Variants in PSMA1 observed in about 807,000 individuals in gnomAD.
PSMA1 encodes the protein proteasome 20S subunit alpha 1.
In PSMA1, 3 loss-of-function variants were observed where a neutral mutation model predicts 38.4. The ratio of observed to expected loss-of-function variants is 0.08; its 90% CI spans 0.04 to 0.20. The LOEUF is 0.20. Among genes scored for constraint, PSMA1 ranks in the 10% least tolerant of loss-of-function variants. PSMA1 has a pLI of 1.00. For missense variants in PSMA1, 227 were observed against 325.3 expected, an observed-to-expected ratio of 0.70 and a Z score of 2.32; for synonymous variants, 101 against 107.1, an observed-to-expected ratio of 0.94 and a Z score of 0.35.
In PSMA1 at chr11:14,534,762, T is replaced by TA. The variant is rs1453088386; in HGVS notation, c.22-15722dup. 7.4e-6 allele frequency among the ~76,000 whole-genome samples: 1 copy of TA among 134,244 alleles called. No homozygotes were observed. The highest frequency in any genetic ancestry group is 8.1e-5 in the Admixed American group (1 of 12,392). The allele number at this position is 134,244 out of a possible 152,430, so 88.1% of individuals were successfully genotyped here. ...TACATCGTGTGTACATATGCATATT[T>TA]AAAAAAATTAAAAAAACAAACAAAC... On this transcript the variant is annotated intron_variant, in intron 2 of 10. Transcript: ENST00000418988. The surrounding 1 kb of genome is among the most constrained non-coding windows in gnomAD (Gnocchi z 4.5).
intron 1 of PSMA1, among the ~76,000 whole-genome samples, chr11:14,634,062 T>C (rs940344369): frequency 6.6e-6 from 1 of 152,092 alleles, no homozygotes; most frequent in African/African-American, 2.4e-5. Context: ...GAGATGAACC[T>C]GGTACCTCAG....
chr11:14,564,834 G>A (rs970258478), intron 2 of PSMA1, among the ~76,000 whole-genome samples: 2 of 150,114 alleles, frequency 1.3e-5, no homozygotes, highest in Non-Finnish European at 3.0e-5. Flanking sequence ...GCTGGAATGT[G>A]GTGGTGCAAT....
intron 2 of PSMA1, among the ~76,000 whole-genome samples, chr11:14,592,591 T>C (rs1852437273): frequency 6.6e-6 from 1 of 152,110 alleles, no homozygotes; most frequent in Admixed American, 6.5e-5. Flanking sequence ...TTCACCGTGT[T>C]AGCCAGGATG....
At chr11:14,538,221 G>A (rs1851732900) in intron 2 of PSMA1, among the ~76,000 whole-genome samples, 1 of 152,224 alleles carries the variant, frequency 6.6e-6, no homozygotes, top group Middle Eastern at 3.4e-3. Flanking sequence ...TTAATTGTGT[G>A]TACATTGCTG....
intron 7 of PSMA1, 44 bp from the exon 8 acceptor site, chr11:14,510,995 TG>T (rs770218849): frequency 7.7e-7 from 1 of 1,301,114 alleles, no homozygotes; most frequent in Non-Finnish European, 1.1e-6. Context: ...TTCATTGTTA[TG>T]CTAGGCTTCT....
At chr11:14,593,118 C>G (rs1565053083) in intron 2 of PSMA1, among the ~76,000 whole-genome samples, 1 of 152,174 alleles carries the variant, frequency 6.6e-6, no homozygotes, top group Non-Finnish European at 1.5e-5. Context: ...TCACCCACTT[C>G]TCATAGCAAC....
At chr11:14,630,634 G>T (rs1852990915) in intron 1 of PSMA1, among the ~76,000 whole-genome samples, 1 of 151,070 alleles carries the variant, frequency 6.6e-6, no homozygotes, top group Admixed American at 6.6e-5. Context: ...CTCTTTTTTT[G>T]TTGTGTCTCT....
intron 2 of PSMA1, among the ~76,000 whole-genome samples, chr11:14,589,200 T>C (rs936001495): frequency 6.6e-6 from 1 of 152,158 alleles, no homozygotes; most frequent in Non-Finnish European, 1.5e-5. Flanking sequence ...TATTTAAAAA[T>C]GTGAAGTTAA....
intron 2 of PSMA1, among the ~76,000 whole-genome samples, chr11:14,583,581 A>C (rs1852306653): frequency 6.6e-6 from 1 of 152,188 alleles, no homozygotes; most frequent in Non-Finnish European, 1.5e-5. Context: ...TATCAGGGCA[A>C]ACCTGCAGAT....
chr11:14,540,968 T>A (rs1851767405), intron 2 of PSMA1, among the ~76,000 whole-genome samples: 1 of 151,928 alleles, frequency 6.6e-6, no homozygotes, highest in Non-Finnish European at 1.5e-5. Context: ...AGGGATAGCA[T>A]TCGGAGATAT....
chr11:14,614,478 T>C (rs2134200186), intron 1 of PSMA1, among the ~76,000 whole-genome samples: 1 of 152,264 alleles, frequency 6.6e-6, no homozygotes, highest in Admixed American at 6.5e-5. Context: ...AGCCTGGCCT[T>C]CTACTGTTCA....
chr11:14,616,000 A>G (rs946996642), intron 1 of PSMA1, among the ~76,000 whole-genome samples: 2 of 152,126 alleles, frequency 1.3e-5, no homozygotes, highest in African/African-American at 4.8e-5. Flanking sequence ...GAATCAAGTA[A>G]AGAGCTGCCT....
At chr11:14,530,549 T>C (rs1851636347) in intron 2 of PSMA1, among the ~76,000 whole-genome samples, 1 of 152,202 alleles carries the variant, frequency 6.6e-6, no homozygotes, top group Non-Finnish European at 1.5e-5. Flanking sequence ...TAATGTTTCA[T>C]ATTTATCTTT....
Position 14,603,425 on chromosome 11 carries a change from T to C in PSMA1, c.21+7541A>G, listed in dbSNP as rs552916817. On this transcript the variant is annotated intron_variant, in intron 2 of 10. Transcript: ENST00000418988. The stretch of plus-strand genomic sequence containing the variant: ...TTTATTATCTAGGAGTGATCTGCTC[T>C]AGATTTCTTTCAAGCAAAGGACCAC... Among the ~76,000 whole-genome samples, 25 of 152,342 alleles carry C rather than the reference T, an allele frequency of 1.6e-4. No homozygotes were observed. The South Asian group carries it at 5.0e-3, about 30-fold the overall frequency.
chr11:14,506,756 G>C (rs1312497907), intron 9 of PSMA1, among the ~76,000 whole-genome samples: 1 of 152,190 alleles, frequency 6.6e-6, no homozygotes, highest in Non-Finnish European at 1.5e-5. Context: ...TGTTGTGCCA[G>C]TCCTGCATCT....
At position 14,630,213 on chromosome 11, in the gene PSMA1, T is replaced by C. The variant is rs1013418012; in HGVS notation, c.-166+13242A>G. Among the ~76,000 whole-genome samples, 11 of 151,970 alleles carry C rather than the reference T, an allele frequency of 7.2e-5. No homozygotes were observed. The East Asian group carries it at 7.7e-4, about 11-fold the overall frequency. ...CTTCCAACACTATGTTGAATAGGAGTGGTGAGAGAGGGCATCCCTGTCTTA... is the reference window on the plus strand; with the variant it reads ...CTTCCAACACTATGTTGAATAGGAGCGGTGAGAGAGGGCATCCCTGTCTTA... On this transcript the variant is annotated intron_variant, in intron 1 of 10. Coordinates refer to the PSMA1 transcript ENST00000418988.
intron 2 of PSMA1, among the ~76,000 whole-genome samples, chr11:14,606,709 T>C (rs1359259948): frequency 6.6e-6 from 1 of 152,254 alleles, no homozygotes; most frequent in Admixed American, 6.5e-5. Flanking sequence ...TTTTTAATTC[T>C]GACATTTATT....
At chr11:14,575,863 T>A (rs1165717865) in intron 2 of PSMA1, among the ~76,000 whole-genome samples, 1 of 152,242 alleles carries the variant, frequency 6.6e-6, no homozygotes, top group Non-Finnish European at 1.5e-5. Context: ...TGAACTAGTT[T>A]ACAGTCCCAC....
chr11:14,639,948 T>C (rs905638875), intron 1 of PSMA1, among the ~76,000 whole-genome samples: 2 of 152,200 alleles, frequency 1.3e-5, no homozygotes, highest in African/African-American at 4.8e-5. Flanking sequence ...TCACAGCTCC[T>C]GTTACAACGG....
Sources: allele counts gnomAD v4.1 joint callset (sites outside exome capture counted in the v4.1 genomes callset), GRCh38; gene constraint gnomAD v4.1.1; non-coding constraint Gnocchi (gnomAD v3.1); transcripts MANE v1.5; gene names NCBI Gene and HGNC (gene_info 2026-07-23, HGNC 2026-07-21).